PTDSS1: variants seen among roughly 807,000 people sequenced by gnomAD.
PTDSS1 encodes the protein PSS-1.
Under a neutral mutation model 70.5 loss-of-function variants are expected in PTDSS1, and 45 were observed. The observed-to-expected ratio is 0.64, with a 90% CI of 0.50 to 0.82. The LOEUF (loss-of-function observed/expected upper bound fraction) is 0.82. Ranked by LOEUF, PTDSS1 falls within the 40% of genes least tolerant of loss-of-function variation. The pLI is 0.00. For missense variants in PTDSS1, 417 were observed against 586.1 expected (o/e 0.71, Z 2.98); for synonymous variants, 188 against 203.8 (o/e 0.92, Z 0.66).
chr8:96,263,997 C>T (rs1338802186), intron 1 of PTDSS1, among the ~76,000 whole-genome samples: 2 of 152,194 alleles, frequency 1.3e-5, no homozygotes, highest in Non-Finnish European at 2.9e-5. Flanking sequence ...GTAACAATTG[C>T]TTACTCTTTA....
intron 2 of PTDSS1, among the ~76,000 whole-genome samples, chr8:96,280,964 GATGAC>G (rs1229299506): frequency 6.6e-6 from 1 of 152,186 alleles, no homozygotes; most frequent in African/African-American, 2.4e-5. Context: ...AAGGCATTGA[GATGAC>G]ATGAATGTTC....
At chr8:96,297,201 C>T (rs111818656) in intron 5 of PTDSS1, among the ~76,000 whole-genome samples, 8 of 151,916 alleles carry the variant, frequency 5.3e-5, no homozygotes, top group African/African-American at 1.2e-4. Flanking sequence ...TTTTTTGAGA[C>T]GGAGTCTTGC....
intron 10 of PTDSS1, among the ~76,000 whole-genome samples, chr8:96,326,567 G>A (rs1811441113): frequency 6.6e-6 from 1 of 152,218 alleles, no homozygotes; most frequent in Non-Finnish European, 1.5e-5. Flanking sequence ...TACAAAGACA[G>A]GAAGCTGTGA....
chr8:96,335,289 A>G lies in PTDSS1; in HGVS notation c.*1723A>G, dbSNP rs1811579353. The G allele has an allele frequency of 1.3e-5, 2 of 152,218 alleles. No homozygotes were observed. The highest frequency in any genetic ancestry group is 4.1e-4 in the South Asian group (2 of 4,832). The allele number at this position is 152,218 out of a possible 1,614,324, so 9.4% of individuals were successfully genotyped here. A position where few individuals can be genotyped will look rare whatever the true frequency, so the allele number is the denominator to read the frequency against. On this transcript the variant is annotated 3_prime_UTR_variant, in exon 13 of 13. Coordinates refer to ENST00000517309, the MANE Select transcript of PTDSS1 (RefSeq NM_014754.3). ...TAAACACAGGTACAATTTAAACATG[A>G]TCTTTCTTTGCAAATAAATATGTTT...
chr8:96,291,241 G>T (rs1159407980), intron 4 of PTDSS1, among the ~76,000 whole-genome samples: 1 of 151,980 alleles, frequency 6.6e-6, no homozygotes, highest in South Asian at 2.1e-4. Flanking sequence ...GTTGGCTATT[G>T]AACCCTAAGA....
At chr8:96,318,959 G>A (rs1811335228) in intron 9 of PTDSS1, among the ~76,000 whole-genome samples, 2 of 141,578 alleles carry the variant, frequency 1.4e-5, no homozygotes, top group East Asian at 4.2e-4. Context: ...CGCCCAGGCT[G>A]GAGTGCAGTG....
chr8:96,283,383 C>G (rs959341438), intron 2 of PTDSS1, among the ~76,000 whole-genome samples: 1 of 152,176 alleles, frequency 6.6e-6, no homozygotes, highest in Non-Finnish European at 1.5e-5. Context: ...CAAGGCTCAG[C>G]TTGCTTTCTT....
At chr8:96,263,455 C>T (rs1052900852) in intron 1 of PTDSS1, among the ~76,000 whole-genome samples, 2 of 152,290 alleles carry the variant, frequency 1.3e-5, no homozygotes, top group South Asian at 4.1e-4. Context: ...AGTTGCATAA[C>T]CTTGCTCTGA....
At chr8:96,272,453 T>C (rs1276126051) in intron 1 of PTDSS1, among the ~76,000 whole-genome samples, 1 of 152,220 alleles carries the variant, frequency 6.6e-6, no homozygotes, top group Admixed American at 6.5e-5. Flanking sequence ...GTGTGTCCTG[T>C]CAATGTCTTT....
chr8:96,312,380 G>A (rs1475653780), intron 9 of PTDSS1, among the ~76,000 whole-genome samples: 1 of 151,958 alleles, frequency 6.6e-6, no homozygotes, highest in Non-Finnish European at 1.5e-5. Context: ...AACCCAGGAT[G>A]TCAAGGAGGT....
chr8:96,319,015 G>A (rs1345913999), intron 9 of PTDSS1, among the ~76,000 whole-genome samples: 1 of 143,310 alleles, frequency 7.0e-6, no homozygotes, highest in Non-Finnish European at 1.5e-5. Flanking sequence ...TCAGGCTCAA[G>A]TGATTCTCCT....
chr8:96,274,618 G>T (rs531116642), intron 2 of PTDSS1, among the ~76,000 whole-genome samples: 1 of 152,160 alleles, frequency 6.6e-6, no homozygotes. Flanking sequence ...CCAGCTACTC[G>T]CGAAGCTGAG....
At chr8:96,332,627 G>C (rs990910351) in intron 12 of PTDSS1, among the ~76,000 whole-genome samples, 2 of 152,198 alleles carry the variant, frequency 1.3e-5, no homozygotes, top group African/African-American at 4.8e-5. Flanking sequence ...GGCACTTACA[G>C]GTTCTCCACT....
At chr8:96,275,158 T>A (rs924632549) in intron 2 of PTDSS1, among the ~76,000 whole-genome samples, 1 of 151,692 alleles carries the variant, frequency 6.6e-6, no homozygotes, top group Non-Finnish European at 1.5e-5. Context: ...AAAAAAAAAA[T>A]TTTAGAGATG....
chr8:96,272,041 C>T (rs1810574315), intron 1 of PTDSS1, among the ~76,000 whole-genome samples: 3 of 151,998 alleles, frequency 2.0e-5, no homozygotes, highest in South Asian at 2.1e-4. Context: ...ATCTTTTGCC[C>T]GTTTTTCTAT....
intron 12 of PTDSS1, among the ~76,000 whole-genome samples, chr8:96,331,701 C>A (rs1028933598): frequency 5.3e-5 from 8 of 152,064 alleles, no homozygotes; most frequent in African/African-American, 1.4e-4. Flanking sequence ...CACACCATTT[C>A]AAGCACCCTG....
At chr8:96,290,184 G>T (rs556107081) in intron 4 of PTDSS1, among the ~76,000 whole-genome samples, 2 of 152,190 alleles carry the variant, frequency 1.3e-5, no homozygotes, top group South Asian at 4.1e-4. Context: ...TGTGCTTTCA[G>T]TATATAGTTA....
chr8:96,302,844 A>G (rs1811069661), intron 6 of PTDSS1, among the ~76,000 whole-genome samples: 1 of 152,056 alleles, frequency 6.6e-6, no homozygotes, highest in Admixed American at 6.6e-5. Context: ...AGCCTCCCAA[A>G]GTGCTGGGAT....
Position 96,289,938 on chromosome 8 carries a change from T to A in PTDSS1, c.441+2792T>A, listed in dbSNP as rs1019027069. On this transcript the variant is annotated intron_variant, in intron 4 of 12. Coordinates refer to ENST00000517309, the MANE Select transcript of PTDSS1 (RefSeq NM_014754.3). Reference sequence around the variant, plus strand: ...CGGAGGTTGACTTCTTAGCCTATGATGATGATGATAATGCAGATGACGGTT... The same window carrying A: ...CGGAGGTTGACTTCTTAGCCTATGAAGATGATGATAATGCAGATGACGGTT... Among the ~76,000 whole-genome samples, 13 of 152,328 alleles carry A rather than the reference T, an allele frequency of 8.5e-5. No individual in the cohort carries two copies. The East Asian group carries it at 2.5e-3, about 29-fold the overall frequency.
Sources: gnomAD v4.1 joint callset for allele counts (sites outside exome capture counted in the v4.1 genomes callset) on GRCh38, gnomAD v4.1.1 for gene constraint, MANE v1.5 for transcripts, NCBI Gene and HGNC (gene_info 2026-07-23, HGNC 2026-07-21) for gene names.